Variants in TMEM108 observed in about 807,000 individuals in gnomAD.
TMEM108 encodes cancer/testis antigen 124.
TMEM108 carries 12 observed loss-of-function variants against 35.1 expected under a neutral mutation model. That is an observed-to-expected ratio of 0.34 (90% CI 0.22 to 0.55). The LOEUF is 0.55. Ranked by LOEUF, TMEM108 falls within the 20% of genes least tolerant of loss-of-function variation. The probability of loss-of-function intolerance (pLI) is 0.89; values close to 1 mark genes in which losing one functional copy is unlikely to be tolerated. For synonymous variants in TMEM108, 287 were observed against 308.6 expected (o/e 0.93, Z 0.73); for missense variants, 680 against 753.3 (o/e 0.90, Z 1.14).
chr3:133,078,885 G>A (rs1198338577), intron 2 of TMEM108, among the ~76,000 whole-genome samples: 1 of 152,174 alleles, frequency 6.6e-6, no homozygotes, highest in Non-Finnish European at 1.5e-5. Context: ...CCAGCGAATA[G>A]ATATTGACAT....
At chr3:133,239,932 C>A (rs183777773) in intron 3 of TMEM108, among the ~76,000 whole-genome samples, 1 of 152,130 alleles carries the variant, frequency 6.6e-6, no homozygotes, top group Non-Finnish European at 1.5e-5. Context: ...CTTGAAGTTT[C>A]ATGTTATTCT....
chr3:133,166,614 C>T (rs562038439), intron 2 of TMEM108, among the ~76,000 whole-genome samples: 2 of 151,750 alleles, frequency 1.3e-5, no homozygotes, highest in African/African-American at 4.8e-5. Context: ...CTTAAAGCGG[C>T]GTGTCTGGAG....
chr3:133,153,008 A>AGG (rs1228316734), intron 2 of TMEM108, among the ~76,000 whole-genome samples: 1 of 152,154 alleles, frequency 6.6e-6, no homozygotes, highest in Non-Finnish European at 1.5e-5. Context: ...AACAGTCATG[A>AGG]GGGTTGGTTG....
At chr3:133,215,489 A>G (rs1164750733) in intron 2 of TMEM108, among the ~76,000 whole-genome samples, 1 of 151,656 alleles carries the variant, frequency 6.6e-6, no homozygotes. Context: ...GCGTTGATTG[A>G]CTGAAATTTT....
intron 3 of TMEM108, 145 bp downstream of exon 3, chr3:133,229,496 G>A: frequency 1.6e-6 from 1 of 622,616 alleles, no homozygotes; most frequent in East Asian, 3.0e-5. Context: ...TCTAGATGAA[G>A]TATCAAGCGT....
At chr3:133,144,369 T>A (rs1944685501) in intron 2 of TMEM108, among the ~76,000 whole-genome samples, 1 of 152,182 alleles carries the variant, frequency 6.6e-6, no homozygotes, top group Non-Finnish European at 1.5e-5. Context: ...ATCCAGTCTA[T>A]CATTGAGGGG....
intron 2 of TMEM108, among the ~76,000 whole-genome samples, chr3:133,057,457 A>G (rs930762183): frequency 2.6e-4 from 11 of 42,428 alleles, no homozygotes; most frequent in African/African-American, 6.5e-4. Flanking sequence ...ATATATATAT[A>G]TATATATATA....
chr3:133,064,398 G>A (rs116255790), intron 2 of TMEM108, among the ~76,000 whole-genome samples: 291 of 152,272 alleles, frequency 1.9e-3, no homozygotes, highest in African/African-American at 6.6e-3. Flanking sequence ...GGACAGATGC[G>A]TGGGTCTTTA....
intron 3 of TMEM108, among the ~76,000 whole-genome samples, chr3:133,251,324 T>C (rs1034129500): frequency 6.6e-6 from 1 of 152,198 alleles, no homozygotes; most frequent in Admixed American, 6.5e-5. Flanking sequence ...CAAATTGTTA[T>C]GGACATTTAT....
intron 3 of TMEM108, among the ~76,000 whole-genome samples, chr3:133,367,248 C>A (rs1262324043): frequency 2.0e-5 from 3 of 152,212 alleles, no homozygotes; most frequent in African/African-American, 7.2e-5. Context: ...TTAAGGTAAG[C>A]CATTGCTGTC....
intron 2 of TMEM108, among the ~76,000 whole-genome samples, chr3:133,083,582 G>A (rs1226070842): frequency 6.6e-6 from 1 of 152,124 alleles, no homozygotes. Flanking sequence ...ATAGTTCTTT[G>A]TTGTGTCTAA....
chr3:133,128,491 C>T (rs542369293), intron 2 of TMEM108, among the ~76,000 whole-genome samples: 10 of 152,208 alleles, frequency 6.6e-5, no homozygotes, highest in African/African-American at 1.9e-4. Context: ...GCTAAGGCTT[C>T]GTGGAAAGAG....
At chr3:133,199,338 A>G (rs939886433) in intron 2 of TMEM108, among the ~76,000 whole-genome samples, 9 of 152,196 alleles carry the variant, frequency 5.9e-5, no homozygotes, top group Non-Finnish European at 1.2e-4. Flanking sequence ...GAGGAGCTGC[A>G]TTCCTTTGGA....
intron 2 of TMEM108, among the ~76,000 whole-genome samples, chr3:133,141,502 C>T (rs146282544): frequency 6.6e-6 from 1 of 152,258 alleles, no homozygotes; most frequent in Non-Finnish European, 1.5e-5. Context: ...AAAAAGTAAC[C>T]TCAGACGCTA....
chr3:133,039,106 A>T (rs1375905656), intron 1 of TMEM108, among the ~76,000 whole-genome samples: 2 of 151,310 alleles, frequency 1.3e-5, no homozygotes, highest in African/African-American at 2.4e-5. Flanking sequence ...TTTTTTTTTT[A>T]AGCAGTTGGG....
intron 2 of TMEM108, among the ~76,000 whole-genome samples, chr3:133,094,626 T>G (rs1427482118): frequency 6.6e-6 from 1 of 152,164 alleles, no homozygotes; most frequent in Admixed American, 6.5e-5. Flanking sequence ...CCAGTAGACT[T>G]CTTCTGCTGC....
At chr3:133,327,819 G>C (rs149014800) in intron 3 of TMEM108, among the ~76,000 whole-genome samples, 155 of 152,152 alleles carry the variant, frequency 1.0e-3, no homozygotes, top group African/African-American at 3.7e-3. Flanking sequence ...CAAAAGAAGA[G>C]TCAAGAAAGT....
In TMEM108 at chr3:133,085,440, C is replaced by A. The variant is rs1366515639; in HGVS notation, c.-47+39420C>A. Among the ~76,000 whole-genome samples, 3 of 152,146 alleles carry A rather than the reference C, an allele frequency of 2.0e-5. No homozygotes were observed. In the East Asian group the frequency reaches 5.8e-4, roughly 29 times the overall value. On this transcript the variant is annotated intron_variant, in intron 2 of 5. Coordinates refer to ENST00000321871, the MANE Select transcript of TMEM108 (RefSeq NM_023943.4). ...GCAAAAATTGAGCACTGAAACAGATCACTGATTCTCAATCAGAGGCTACAG... is the reference window on the plus strand; with the variant it reads ...GCAAAAATTGAGCACTGAAACAGATAACTGATTCTCAATCAGAGGCTACAG...
intron 2 of TMEM108, among the ~76,000 whole-genome samples, chr3:133,203,179 A>C (rs545176210): frequency 1.2e-4 from 19 of 152,210 alleles, no homozygotes; most frequent in Non-Finnish European, 2.8e-4. Context: ...TTATCAGCTT[A>C]AGGAGATTTT....
Sources: gnomAD v4.1 joint callset for allele counts (sites outside exome capture counted in the v4.1 genomes callset) on GRCh38, gnomAD v4.1.1 for gene constraint, MANE v1.5 for transcripts, NCBI Gene and HGNC (gene_info 2026-07-23, HGNC 2026-07-21) for gene names.